The following CAMKMT variants were observed in gnomAD, a reference collection of about 807,000 sequenced individuals.
CAMKMT encodes the protein calmodulin-lysine N-methyltransferase.
A neutral mutation model predicts 48.0 loss-of-function variants in CAMKMT; 53 were observed. The observed-to-expected ratio is 1.10, with a 90% CI of 0.89 to 1.39. CAMKMT has a LOEUF of 1.39. Among genes scored for constraint, CAMKMT ranks in the 40% most tolerant of loss-of-function variants. CAMKMT has a pLI of 0.00. For missense variants in CAMKMT, 428 were observed against 402.7 expected (o/e 1.06, Z -0.54); for synonymous variants, 165 against 152.3 (o/e 1.08, Z -0.61).
intron 3 of CAMKMT, among the ~76,000 whole-genome samples, chr2:44,614,907 T>C (rs1671786922): frequency 6.7e-6 from 1 of 148,600 alleles, no homozygotes. Flanking sequence ...TGACCCTTAT[T>C]CACTCTAACC....
chr2:44,630,029 T>C (rs1672724279), intron 3 of CAMKMT, among the ~76,000 whole-genome samples: 2 of 151,502 alleles, frequency 1.3e-5, no homozygotes, highest in Admixed American at 6.6e-5. Flanking sequence ...AACAGCATGG[T>C]ACTGGTACCA....
At chr2:44,410,316 G>C (rs1683116702) in intron 3 of CAMKMT, among the ~76,000 whole-genome samples, 1 of 72,126 alleles carries the variant, frequency 1.4e-5, no homozygotes, top group Non-Finnish European at 3.0e-5. Context: ...GAGTGCAGTG[G>C]CGCGATCTTG....
chr2:44,510,690 A>G (rs1011137992), intron 3 of CAMKMT, among the ~76,000 whole-genome samples: 1 of 152,050 alleles, frequency 6.6e-6, no homozygotes, highest in Non-Finnish European at 1.5e-5. Flanking sequence ...CGGGGTACAG[A>G]TGGTTTTTGG....
At position 44,390,246 on chromosome 2, in the gene CAMKMT, A is replaced by C. The variant is rs1162580388; in HGVS notation, c.317A>C (p.Asn106Thr). ...CPEYSISLRH[N>T]SGSLNVEDVL... Reference sequence around the variant, plus strand: ...AACGCTTTACTCCTTTCTAGGCATAATAGTGGATCCTTGAATGTTGAAGAT... The same window carrying C: ...AACGCTTTACTCCTTTCTAGGCATACTAGTGGATCCTTGAATGTTGAAGAT... Residue 106 changes from asparagine to threonine, a missense_variant, in exon 3 of 11, where the codon AAT becomes ACT. Asn to Thr is a moderately conservative substitution (Grantham distance 65). Coordinates refer to ENST00000378494, the MANE Select transcript of CAMKMT (RefSeq NM_024766.5). The C allele has an allele frequency of 1.2e-6, 2 of 1,607,220 alleles. No homozygotes were observed. Among genetic ancestry groups the C allele is most frequent in the Non-Finnish European group, 1.7e-6 (2 of 1,177,520 alleles).
intron 3 of CAMKMT, among the ~76,000 whole-genome samples, chr2:44,412,798 G>T (rs1254848073): frequency 1.3e-5 from 2 of 151,998 alleles, no homozygotes; most frequent in East Asian, 1.9e-4. Flanking sequence ...TAAAGAGGCT[G>T]GGCACGGTGG....
rs1671080631 is a variant in CAMKMT at position 44,521,043 on chromosome 2, T to TAC, written c.376+130741_376+130742dup. Among the ~76,000 whole-genome samples the TAC allele has an allele frequency of 2.0e-5, 3 of 152,162 alleles. No individual in the cohort carries two copies. The South Asian group carries it at 6.2e-4, about 32-fold the overall frequency. The stretch of plus-strand genomic sequence containing the variant: ...TCATAGCAGAGTGAGAACAGACTAA[T>TAC]ACACTCTGTAAACTTGGTATCTTCA... On this transcript the variant is annotated intron_variant, in intron 3 of 10. Transcript: ENST00000378494.
intron 3 of CAMKMT, among the ~76,000 whole-genome samples, chr2:44,577,081 AG>A (rs1415989100): frequency 1.3e-5 from 2 of 152,224 alleles, no homozygotes; most frequent in African/African-American, 2.4e-5. Flanking sequence ...ATAATTCCCC[AG>A]GATAGGAAAG....
At chr2:44,520,082 G>A (rs985487594) in intron 3 of CAMKMT, among the ~76,000 whole-genome samples, 1 of 151,706 alleles carries the variant, frequency 6.6e-6, no homozygotes, top group Non-Finnish European at 1.5e-5. Flanking sequence ...AGCCAGGCGT[G>A]GTGGTGGGCA....
At chr2:44,600,254 A>T (rs1263306424) in intron 3 of CAMKMT, among the ~76,000 whole-genome samples, 1 of 151,242 alleles carries the variant, frequency 6.6e-6, no homozygotes, top group Admixed American at 6.6e-5. Flanking sequence ...CTATCATGAG[A>T]CCAAGATTTT....
intron 3 of CAMKMT, among the ~76,000 whole-genome samples, chr2:44,449,595 G>A (rs1001919631): frequency 6.6e-6 from 1 of 151,700 alleles, no homozygotes; most frequent in Non-Finnish European, 1.5e-5. Context: ...TTTCACATAT[G>A]CTTCTTTTTA....
chr2:44,409,492 G>T (rs142364259), intron 3 of CAMKMT, among the ~76,000 whole-genome samples: 1 of 151,966 alleles, frequency 6.6e-6, no homozygotes, highest in African/African-American at 2.4e-5. Context: ...ATGTTATTGC[G>T]TTATCACAAA....
intron 3 of CAMKMT, among the ~76,000 whole-genome samples, chr2:44,409,220 C>T (rs1005802385): frequency 4.0e-5 from 6 of 148,670 alleles, no homozygotes; most frequent in South Asian, 4.3e-4. Context: ...CAAAATTCAA[C>T]GTAGTATCCA....
chr2:44,428,242 G>A (rs750090056), intron 3 of CAMKMT, among the ~76,000 whole-genome samples: 30 of 152,168 alleles, frequency 2.0e-4, no homozygotes, highest in Non-Finnish European at 5.9e-5. Flanking sequence ...TCAGCAGGAT[G>A]GAGAGTTGGA....
In CAMKMT at chr2:44,588,621, G is replaced by A. The variant is rs1173805068; in HGVS notation, c.377-115662G>A. On this transcript the variant is annotated intron_variant, in intron 3 of 10. Transcript: ENST00000378494. ...GAGGTGGGGGGTCAGCCCCCCGCCC[G>A]GCCAGCCGCCCAGTCCGGGAGGGAG... Among the ~76,000 whole-genome samples the A allele has an allele frequency of 1.4e-4, 6 of 41,888 alleles. 1 individual carries two copies. The highest frequency in any genetic ancestry group is 6.2e-4 in the African/African-American group (6 of 9,684). 27.5% of individuals were successfully genotyped at this position (41,888 alleles called of 152,430 possible). A position where few individuals can be genotyped will look rare whatever the true frequency, so the allele number is the denominator to read the frequency against.
At chr2:44,662,436 C>T (rs1674731773) in intron 3 of CAMKMT, among the ~76,000 whole-genome samples, 1 of 152,172 alleles carries the variant, frequency 6.6e-6, no homozygotes, top group Non-Finnish European at 1.5e-5. Flanking sequence ...TGTTTACTGT[C>T]AATGGAAATT....
At chr2:44,513,984 T>G (rs1330187408) in intron 3 of CAMKMT, among the ~76,000 whole-genome samples, 1 of 151,836 alleles carries the variant, frequency 6.6e-6, no homozygotes, top group Admixed American at 6.6e-5. Context: ...TGCCTGTAGT[T>G]TCAGCTATTT....
chr2:44,515,611 G>A (rs2104781831), intron 3 of CAMKMT, among the ~76,000 whole-genome samples: 1 of 152,284 alleles, frequency 6.6e-6, no homozygotes, highest in Non-Finnish European at 1.5e-5. Flanking sequence ...ACCAGTGAGT[G>A]AGTCAGTGAT....
chr2:44,686,251 G>A lies in CAMKMT; in HGVS notation c.377-18032G>A, dbSNP rs1295861646. 2.6e-5 allele frequency among the ~76,000 whole-genome samples: 4 copies of A among 151,846 alleles called. No homozygotes were observed. The East Asian group carries it at 7.7e-4, about 29-fold the overall frequency. ...TACTAAAAATACAAAAAATTAGCCG[G>A]GCATGGTGGCGGGCGCCTGTAGTCC... On this transcript the variant is annotated intron_variant, in intron 3 of 10. Transcript: ENST00000378494.
intron 7 of CAMKMT, among the ~76,000 whole-genome samples, chr2:44,726,142 C>G (rs1487406562): frequency 6.6e-6 from 1 of 152,090 alleles, no homozygotes; most frequent in Non-Finnish European, 1.5e-5. Flanking sequence ...GGGGTATATA[C>G]CCAGTAATGG....
Sources: gnomAD v4.1 joint callset for allele counts (sites outside exome capture counted in the v4.1 genomes callset) on GRCh38, gnomAD v4.1.1 for gene constraint, MANE v1.5 for transcripts, NCBI Gene and HGNC (gene_info 2026-07-23, HGNC 2026-07-21) for gene names.